Variants in PLEK2 observed in about 807,000 individuals in gnomAD.
PLEK2 encodes the protein pleckstrin-2.
In PLEK2, 29 loss-of-function variants were observed where a neutral mutation model predicts 43.8. That is an observed-to-expected ratio of 0.66 (90% CI 0.49 to 0.90). The LOEUF (loss-of-function observed/expected upper bound fraction) is 0.90, where lower values mean the gene tolerates loss of function less well. Ranked by LOEUF, PLEK2 falls within the 40% of genes least tolerant of loss-of-function variation. The pLI is 0.00. For missense variants in PLEK2, 398 were observed against 448.1 expected (o/e 0.89, Z 1.01); for synonymous variants, 162 against 173.2 (o/e 0.94, Z 0.51).
At chr14:67,389,292 C>T (rs1022473429) in intron 7 of PLEK2, among the ~76,000 whole-genome samples, 1 of 152,056 alleles carries the variant, frequency 6.6e-6, no homozygotes, top group African/African-American at 2.4e-5. Context: ...AAGGGATCCG[C>T]CCCAGCCTGG....
intron 7 of PLEK2, among the ~76,000 whole-genome samples, 161 bp from the exon 8 acceptor site, chr14:67,388,463 A>G (rs1352855587): frequency 2.0e-5 from 3 of 152,226 alleles, no homozygotes; most frequent in Non-Finnish European, 4.4e-5. Context: ...TGCATGCATC[A>G]GTAAGGAAGC....
intron 8 of PLEK2, among the ~76,000 whole-genome samples, chr14:67,388,005 G>C (rs2085938995): frequency 6.6e-6 from 1 of 152,192 alleles, no homozygotes; most frequent in Non-Finnish European, 1.5e-5. Context: ...AAACTGAGGG[G>C]AAAGATTATT....
chr14:67,401,441 G>A (rs1422932193), intron 1 of PLEK2, among the ~76,000 whole-genome samples: 3 of 152,174 alleles, frequency 2.0e-5, no homozygotes, highest in Non-Finnish European at 4.4e-5. Flanking sequence ...GGGCCCAGGA[G>A]GTTAATGCTA....
chr14:67,388,547 C>T (rs567373779), intron 7 of PLEK2, among the ~76,000 whole-genome samples: 3 of 152,196 alleles, frequency 2.0e-5, no homozygotes, highest in African/African-American at 7.2e-5. Flanking sequence ...CACAGACTTG[C>T]AAATCTGCTT....
intron 1 of PLEK2, among the ~76,000 whole-genome samples, chr14:67,411,136 CAA>C (rs925514488): frequency 4.6e-4 from 24 of 52,062 alleles, no homozygotes; most frequent in Admixed American, 7.7e-4. Flanking sequence ...GACCCTGTCT[CAA>C]AAAAAAAAAA....
At chr14:67,401,290 C>T (rs1321908928) in intron 1 of PLEK2, among the ~76,000 whole-genome samples, 1 of 151,730 alleles carries the variant, frequency 6.6e-6, no homozygotes, top group African/African-American at 2.4e-5. Context: ...AGTTTGAGGC[C>T]AGCCTCAGCA....
chr14:67,405,630 AAT>A (rs1179786109), intron 1 of PLEK2, among the ~76,000 whole-genome samples: 1 of 152,164 alleles, frequency 6.6e-6, no homozygotes, highest in Non-Finnish European at 1.5e-5. Context: ...ATGGTATCCC[AAT>A]TCTGACATTA....
intron 2 of PLEK2, among the ~76,000 whole-genome samples, chr14:67,395,804 G>T (rs992941616): frequency 2.6e-5 from 4 of 152,334 alleles, no homozygotes; most frequent in African/African-American, 7.2e-5. Flanking sequence ...GGACAAGGTA[G>T]TTACTGTAGG....
chr14:67,404,801 C>T (rs1166624240), intron 1 of PLEK2, among the ~76,000 whole-genome samples: 1 of 151,954 alleles, frequency 6.6e-6, no homozygotes, highest in East Asian at 1.9e-4. Context: ...CAGAGTGAGA[C>T]CCCATCTCAG....
At chr14:67,392,968 G>A (rs1379919221) in intron 4 of PLEK2, 119 bp from the exon 5 acceptor site, 7 of 905,130 alleles carry the variant, frequency 7.7e-6, no homozygotes, top group Admixed American at 2.3e-5. Context: ...CGCAAGAGCA[G>A]ACTGAAGGCC....
Position 67,397,693 on chromosome 14 carries a change from G to T in PLEK2, c.176C>A (p.Thr59Asn). The T allele has an allele frequency of 2.5e-6, 4 of 1,613,260 alleles. No homozygotes were observed. The highest frequency in any genetic ancestry group is 3.4e-6 in the Non-Finnish European group (4 of 1,179,610). ...GTTTTCATACTCCAGGCAGGGGCAGGTGATGGTGCAGCCATCCAGGAGGAT... is the reference window on the plus strand; with the variant it reads ...GTTTTCATACTCCAGGCAGGGGCAGTTGATGGTGCAGCCATCCAGGAGGAT... ...GRILLDGCTI[T>N]CPCLEYENRP... Residue 59 changes from threonine (T) to asparagine (N), a missense_variant, in exon 2 of 9, where the codon ACC becomes AAC. Transcript: ENST00000216446.
intron 1 of PLEK2, among the ~76,000 whole-genome samples, chr14:67,399,088 G>A (rs2086029875): frequency 6.6e-6 from 1 of 152,192 alleles, no homozygotes; most frequent in South Asian, 2.1e-4. Context: ...AATATTACTA[G>A]TCAAAGGATG....
At chr14:67,392,298 C>G (rs2085974711) in intron 6 of PLEK2, 28 bp downstream of exon 6, 2 of 1,404,664 alleles carry the variant, frequency 1.4e-6, no homozygotes, top group Non-Finnish European at 2.0e-6. Context: ...AACTGTCCAT[C>G]TCTCTTCCCT....
At chr14:67,397,993 C>A in intron 1 of PLEK2, 167 bp from the exon 2 acceptor site, 1 of 466,868 alleles carries the variant, frequency 2.1e-6, no homozygotes, top group Non-Finnish European at 3.8e-6. Context: ...GTAGCAAAGA[C>A]CTTTGGCACT....
At position 67,387,204 on chromosome 14, in the gene PLEK2, C is replaced by G. The variant is rs1436009347; in HGVS notation, c.*125G>C. ...TTGTAATCTGAGGAACTCTTGGCAG[C>G]ATTCACTCTCCAAAGCAGTACAAAA... On this transcript the variant is annotated 3_prime_UTR_variant, in exon 9 of 9. Transcript: ENST00000216446. The G allele has an allele frequency of 2.4e-6, 2 of 837,962 alleles. No homozygotes were observed. The highest frequency in any genetic ancestry group is 6.1e-5 in the Admixed American group (2 of 32,966). The allele number at this position is 837,962 out of a possible 1,614,324, so 51.9% of individuals were successfully genotyped here.
chr14:67,392,916 G>T, intron 4 of PLEK2, 67 bp from the exon 5 acceptor site: 1 of 1,317,580 alleles, frequency 7.6e-7, no homozygotes, highest in South Asian at 1.4e-5. Flanking sequence ...TGTGGCCAAT[G>T]ACCTCACTGA....
intron 7 of PLEK2, among the ~76,000 whole-genome samples, chr14:67,389,892 C>T (rs910080162): frequency 6.6e-6 from 1 of 151,992 alleles, no homozygotes; most frequent in African/African-American, 2.4e-5. Context: ...GCCACCATGC[C>T]CCACAGAGAG....
At chr14:67,393,764 T>C (rs1031641968) in intron 3 of PLEK2, among the ~76,000 whole-genome samples, 2 of 152,122 alleles carry the variant, frequency 1.3e-5, no homozygotes, top group Admixed American at 6.6e-5. Context: ...TGATGATGGA[T>C]GTTTGACTCC....
chr14:67,399,247 G>A (rs2086030966), intron 1 of PLEK2, among the ~76,000 whole-genome samples: 1 of 151,900 alleles, frequency 6.6e-6, no homozygotes, highest in Non-Finnish European at 1.5e-5. Context: ...TGGCTGTCAG[G>A]TGGCAGGAAT....
Sources: gnomAD v4.1 joint callset for allele counts (sites outside exome capture counted in the v4.1 genomes callset) on GRCh38, gnomAD v4.1.1 for gene constraint, MANE v1.5 for transcripts, NCBI Gene and HGNC (gene_info 2026-07-23, HGNC 2026-07-21) for gene names.